LMF1: variants seen among roughly 807,000 people sequenced by gnomAD.
The protein encoded by LMF1 is lipase maturation factor 1.
LMF1 carries 68 observed loss-of-function variants against 60.6 expected under a neutral mutation model. That is an observed-to-expected ratio of 1.12 (90% confidence interval 0.92 to 1.37). LMF1 has a LOEUF of 1.37. Ranked by LOEUF, LMF1 falls within the 40% of genes most tolerant of loss-of-function variation. The pLI, the probability that LMF1 is intolerant of heterozygous loss-of-function variation, is 0.00. For synonymous variants in LMF1, 418 were observed against 324.7 expected (o/e 1.29, Z -3.09); for missense variants, 948 against 767.2 (o/e 1.24, Z -2.78).
chr16:890,952 C>A (rs1312822014), intron 5 of LMF1, among the ~76,000 whole-genome samples: 2 of 152,208 alleles, frequency 1.3e-5, no homozygotes, highest in Non-Finnish European at 2.9e-5. Flanking sequence ...GCCGGGCCCA[C>A]CCTGTCCACC....
chr16:977,948 A>C (rs1181944498), intron 1 of LMF1, among the ~76,000 whole-genome samples: 1 of 112,216 alleles, frequency 8.9e-6, no homozygotes, highest in African/African-American at 4.1e-5. Flanking sequence ...ATACACACGC[A>C]CACACACCAC....
chr16:901,214 C>G (rs1335908382), intron 4 of LMF1: 3 of 152,270 alleles, frequency 2.0e-5, no homozygotes, highest in Non-Finnish European at 4.4e-5. Flanking sequence ...GACCCTGGCT[C>G]AATTCCCAGA....
At chr16:936,775 G>A (rs1367950638) in intron 2 of LMF1, among the ~76,000 whole-genome samples, 1 of 152,218 alleles carries the variant, frequency 6.6e-6, no homozygotes, top group African/African-American at 2.4e-5. Context: ...AGGAAAAGGA[G>A]CTGATTTTTC....
chr16:915,424 G>C (rs908850809), intron 3 of LMF1, among the ~76,000 whole-genome samples: 4 of 152,252 alleles, frequency 2.6e-5, no homozygotes, highest in Non-Finnish European at 5.9e-5. Context: ...AGAGGTGCGT[G>C]CTCACCTTTC....
intron 4 of LMF1, among the ~76,000 whole-genome samples, chr16:907,295 G>A (rs1477255565): frequency 6.6e-6 from 1 of 152,128 alleles, no homozygotes; most frequent in Non-Finnish European, 1.5e-5. Flanking sequence ...CAGCTACTCG[G>A]GAGGCTGAGG....
intron 4 of LMF1, among the ~76,000 whole-genome samples, chr16:906,024 T>C (rs1277516956): frequency 6.6e-6 from 1 of 152,250 alleles, no homozygotes; most frequent in Non-Finnish European, 1.5e-5. Flanking sequence ...AGCTTTTATG[T>C]TTGCAATCCA....
intron 3 of LMF1, among the ~76,000 whole-genome samples, chr16:929,130 C>T (rs1008477369): frequency 1.1e-4 from 16 of 152,188 alleles, no homozygotes; most frequent in Admixed American, 4.6e-4. Context: ...TCCCATCCCG[C>T]GCCTGAAAAG....
At chr16:932,318 G>A (rs1006915286) in intron 3 of LMF1, among the ~76,000 whole-genome samples, 2 of 152,164 alleles carry the variant, frequency 1.3e-5, no homozygotes, top group Non-Finnish European at 2.9e-5. Context: ...CCGTGGCCTC[G>A]CAGGCCCATC....
intron 3 of LMF1, among the ~76,000 whole-genome samples, chr16:930,940 G>A (rs531190734): frequency 2.0e-5 from 3 of 152,290 alleles, no homozygotes; most frequent in African/African-American, 7.2e-5. Context: ...GGCCAACACT[G>A]TGAAATCCCA....
chr16:883,555 T>A (rs1230894845), intron 5 of LMF1, among the ~76,000 whole-genome samples: 2 of 152,168 alleles, frequency 1.3e-5, no homozygotes, highest in Non-Finnish European at 1.5e-5. Context: ...TCTTTCTGAG[T>A]CTTTGGGTAA....
intron 10 of LMF1, among the ~76,000 whole-genome samples, chr16:866,369 A>G (rs371348620): frequency 1.3e-5 from 2 of 152,162 alleles, no homozygotes; most frequent in African/African-American, 4.8e-5. Flanking sequence ...GTGGCTCTGC[A>G]CTAGGCCTCC....
intron 6 of LMF1, among the ~76,000 whole-genome samples, chr16:875,078 C>T (rs1353290793): frequency 6.6e-6 from 1 of 152,168 alleles, no homozygotes; most frequent in Non-Finnish European, 1.5e-5. Flanking sequence ...GGTGCTTCCA[C>T]CTCGTCCTGG....
At chr16:905,255 A>G (rs1347985940) in intron 4 of LMF1, 271 of 101,242 alleles carry the variant, frequency 2.7e-3, no homozygotes, top group African/African-American at 8.0e-3. Context: ...TCTCTGCTGC[A>G]TGGTGGTGAC....
At chr16:907,902 A>G (rs1009338368) in intron 4 of LMF1, among the ~76,000 whole-genome samples, 1 of 152,234 alleles carries the variant, frequency 6.6e-6, no homozygotes, top group African/African-American at 2.4e-5. Flanking sequence ...AAAATGCCAT[A>G]AAAGGTGCTT....
chr16:893,381 G>A (rs746123486), intron 4 of LMF1: 4 of 506,304 alleles, frequency 7.9e-6, no homozygotes, highest in South Asian at 4.6e-5. Flanking sequence ...GAAGTTGCGT[G>A]TCTTTAAAGA....
chr16:919,369 G>A (rs953197134), intron 3 of LMF1, among the ~76,000 whole-genome samples: 1 of 151,968 alleles, frequency 6.6e-6, no homozygotes, highest in Non-Finnish European at 1.5e-5. Context: ...CAGCCCTGTG[G>A]CCTCTGCTTC....
intron 10 of LMF1, among the ~76,000 whole-genome samples, chr16:863,551 A>C (rs1036958572): frequency 6.6e-6 from 1 of 152,122 alleles, no homozygotes; most frequent in Non-Finnish European, 1.5e-5. Flanking sequence ...TGTTTCAATA[A>C]GTTTCTCTAT....
At chr16:856,387 G>A (rs2069185237) in intron 10 of LMF1, among the ~76,000 whole-genome samples, 1 of 152,206 alleles carries the variant, frequency 6.6e-6, no homozygotes, top group African/African-American at 2.4e-5. Flanking sequence ...CGGCCGTGAG[G>A]GCGCTGGGCT....
intron 5 of LMF1, among the ~76,000 whole-genome samples, chr16:883,482 C>T (rs1186307350): frequency 6.6e-6 from 1 of 152,198 alleles, no homozygotes; most frequent in East Asian, 1.9e-4. Flanking sequence ...AATCCAGAAG[C>T]CAAACAGTGT....
Sources: allele counts gnomAD v4.1 joint callset (sites outside exome capture counted in the v4.1 genomes callset), GRCh38; gene constraint gnomAD v4.1.1; transcripts MANE v1.5; gene names NCBI Gene and HGNC (gene_info 2026-07-23, HGNC 2026-07-21).